RNF180: variants seen among roughly 807,000 people sequenced by gnomAD.
The protein encoded by RNF180 is ring finger protein 180, also known as E3 ubiquitin-protein ligase RNF180.
A neutral mutation model predicts 59.2 loss-of-function variants in RNF180; 38 were observed. The observed-to-expected ratio is 0.64, with a 90% CI of 0.50 to 0.84. RNF180 has a LOEUF of 0.84. Ranked by LOEUF, RNF180 falls within the 40% of genes least tolerant of loss-of-function variation. The pLI is 0.00. For synonymous variants in RNF180, 262 were observed against 240.3 expected (o/e 1.09, Z -0.84); for missense variants, 705 against 700.9 (o/e 1.01, Z -0.07).
At chr5:64,207,372 G>A (rs1359075693) in intron 2 of RNF180, among the ~76,000 whole-genome samples, 1 of 152,090 alleles carries the variant, frequency 6.6e-6, no homozygotes, top group Non-Finnish European at 1.5e-5. Flanking sequence ...ACAGGTGGGA[G>A]AACATTCCAA....
chr5:64,340,486 A>G (rs1226813645), intron 7 of RNF180, among the ~76,000 whole-genome samples: 1 of 152,210 alleles, frequency 6.6e-6, no homozygotes, highest in Non-Finnish European at 1.5e-5. Flanking sequence ...ATGGAAAAGA[A>G]TGATTATCTC....
intron 2 of RNF180, 130 bp downstream of exon 2, chr5:64,201,072 T>C: frequency 1.4e-6 from 1 of 702,174 alleles, no homozygotes; most frequent in Non-Finnish European, 2.2e-6. Flanking sequence ...ACTCTTTGTC[T>C]CTCACCTTAT....
intron 7 of RNF180, among the ~76,000 whole-genome samples, chr5:64,336,505 G>C (rs1329308526): frequency 1.3e-5 from 2 of 152,278 alleles, no homozygotes; most frequent in East Asian, 3.9e-4. Flanking sequence ...CAGAATGTCT[G>C]GGTCATAGGA....
chr5:64,306,177 AC>A (rs1393418597), intron 5 of RNF180, among the ~76,000 whole-genome samples: 4 of 151,668 alleles, frequency 2.6e-5, no homozygotes, highest in African/African-American at 9.7e-5. Context: ...ATTTCTTGAA[AC>A]CCAATTGCAT....
intron 7 of RNF180, among the ~76,000 whole-genome samples, chr5:64,352,503 A>G (rs372089218): frequency 1.3e-5 from 2 of 151,850 alleles, no homozygotes; most frequent in Admixed American, 6.6e-5. Flanking sequence ...TAGGGTGTCA[A>G]TTTTAGATCT....
At chr5:64,255,786 C>G (rs967609408) in intron 5 of RNF180, among the ~76,000 whole-genome samples, 1 of 152,214 alleles carries the variant, frequency 6.6e-6, no homozygotes, top group Non-Finnish European at 1.5e-5. Context: ...CTGTCTTCCA[C>G]AATGGTTGAA....
chr5:64,212,101 C>T lies in RNF180; in HGVS notation c.172C>T (p.His58Tyr), dbSNP rs1324984962. ...TTCAGTTGATGCTCAAAATATTTGT[C>T]ATGTGTGGCACATGAATGTAGAAGC... ...DDSVDAQNIC[H>Y]VWHMNVEALP... Residue 58 changes from histidine (H) to tyrosine (Y), a missense_variant, in exon 3 of 8, where the codon CAT becomes TAT. Physicochemically the swap from His to Tyr is moderately conservative, Grantham distance 83. Coordinates refer to ENST00000389100, the MANE Select transcript of RNF180 (RefSeq NM_001113561.2). The T allele has an allele frequency of 3.1e-6, 5 of 1,606,322 alleles. No homozygotes were observed. In the African/African-American group the frequency reaches 6.7e-5, roughly 21 times the overall value.
At position 64,370,940 on chromosome 5, in the gene RNF180, C is replaced by T. The variant is rs1232243591; in HGVS notation, c.*1126C>T. 6.6e-6 allele frequency: 1 copy of T among 151,582 alleles called. No homozygotes were observed. The highest frequency in any genetic ancestry group is 1.5e-5 in the Non-Finnish European group (1 of 67,716). 9.4% of individuals were successfully genotyped at this position (151,582 alleles called of 1,614,324 possible). On this transcript the variant is annotated 3_prime_UTR_variant, in exon 8 of 8. Coordinates refer to ENST00000389100, the MANE Select transcript of RNF180 (RefSeq NM_001113561.2). Reference sequence around the variant, plus strand: ...TATATCTGGTAATTCAATAAGCAAACTTTTACATAAAATAGGTGACTCTCT... The same window carrying T: ...TATATCTGGTAATTCAATAAGCAAATTTTTACATAAAATAGGTGACTCTCT...
intron 7 of RNF180, among the ~76,000 whole-genome samples, chr5:64,341,656 A>G (rs1187057346): frequency 6.6e-6 from 1 of 152,106 alleles, no homozygotes; most frequent in Non-Finnish European, 1.5e-5. Context: ...ACCTCATGGT[A>G]GGTTTAGATT....
chr5:64,208,290 G>A (rs566508444), intron 2 of RNF180, among the ~76,000 whole-genome samples: 1 of 151,902 alleles, frequency 6.6e-6, no homozygotes, highest in East Asian at 1.9e-4. Flanking sequence ...TCCTTCCTCC[G>A]TGTGGGAGAT....
rs1034230615 is a variant in RNF180 at position 64,293,021 on chromosome 5, G to A, written c.1228-32165G>A. On this transcript the variant is annotated intron_variant, in intron 5 of 7. Coordinates refer to ENST00000389100, the MANE Select transcript of RNF180 (RefSeq NM_001113561.2). Reference sequence around the variant, plus strand: ...AGTCCACCTAACCACAGAAATGGTGGTCCCTCCTCACCCTGTCTACTCTGT... The same window carrying A: ...AGTCCACCTAACCACAGAAATGGTGATCCCTCCTCACCCTGTCTACTCTGT... 2.0e-5 allele frequency among the ~76,000 whole-genome samples: 3 copies of A among 152,214 alleles called. No individual in the cohort carries two copies. The East Asian group carries it at 5.8e-4, about 29-fold the overall frequency.
intron 7 of RNF180, 33 bp downstream of exon 7, chr5:64,330,439 G>A (rs1297295991): frequency 6.6e-7 from 1 of 1,522,352 alleles, no homozygotes; most frequent in South Asian, 1.3e-5. Context: ...AAAAAGTCTG[G>A]TAATTTTGTC....
chr5:64,220,431 A>G (rs1752847822), intron 5 of RNF180, among the ~76,000 whole-genome samples: 1 of 151,724 alleles, frequency 6.6e-6, no homozygotes, highest in African/African-American at 2.4e-5. Context: ...TGATATTTTT[A>G]TTTTGATGCA....
At chr5:64,320,317 T>C (rs573125332) in intron 5 of RNF180, among the ~76,000 whole-genome samples, 1 of 152,208 alleles carries the variant, frequency 6.6e-6, no homozygotes, top group Non-Finnish European at 1.5e-5. Flanking sequence ...AGGACATGCC[T>C]GGTTCTTGGA....
At chr5:64,342,005 T>C (rs1745371696) in intron 7 of RNF180, among the ~76,000 whole-genome samples, 1 of 151,912 alleles carries the variant, frequency 6.6e-6, no homozygotes, top group South Asian at 2.1e-4. Context: ...GGAGGCCAGA[T>C]TAGAGGGATG....
chr5:64,286,464 G>T (rs1271146412), intron 5 of RNF180, among the ~76,000 whole-genome samples: 1 of 152,166 alleles, frequency 6.6e-6, no homozygotes, highest in Non-Finnish European at 1.5e-5. Context: ...CAGAAAAGGG[G>T]TATAATCATC....
At chr5:64,364,753 A>C (rs1002425934) in intron 7 of RNF180, among the ~76,000 whole-genome samples, 1 of 151,428 alleles carries the variant, frequency 6.6e-6, no homozygotes, top group Non-Finnish European at 1.5e-5. Context: ...AGAGGTCATT[A>C]TTGTTTTCTT....
intron 5 of RNF180, among the ~76,000 whole-genome samples, chr5:64,281,056 G>A (rs898294930): frequency 6.6e-6 from 1 of 152,214 alleles, no homozygotes; most frequent in African/African-American, 2.4e-5. Context: ...GTATTTTTGT[G>A]TGTGTGGTTA....
chr5:64,305,972 G>A (rs542127940), intron 5 of RNF180, among the ~76,000 whole-genome samples: 6 of 151,534 alleles, frequency 4.0e-5, no homozygotes, highest in South Asian at 2.1e-4. Flanking sequence ...CGTTCCTTTC[G>A]ACAAAATAAG....
Sources: allele counts gnomAD v4.1 joint callset (sites outside exome capture counted in the v4.1 genomes callset), GRCh38; gene constraint gnomAD v4.1.1; transcripts MANE v1.5; gene names NCBI Gene and HGNC (gene_info 2026-07-23, HGNC 2026-07-21).